Variants in L3MBTL1 observed in about 807,000 individuals in gnomAD.
L3MBTL1 encodes lethal(3)malignant brain tumor-like protein 1.
In L3MBTL1, 75 loss-of-function variants were observed where a neutral mutation model predicts 105.3. The ratio of observed to expected loss-of-function variants is 0.71; its 90% confidence interval spans 0.59 to 0.86. The LOEUF is 0.86. L3MBTL1 is among the 40% of genes least tolerant of loss of function. L3MBTL1 has a pLI of 0.00. For missense variants in L3MBTL1, 1,069 were observed against 1,126.4 expected (o/e 0.95, Z 0.73); for synonymous variants, 452 against 436.2 (o/e 1.04, Z -0.45).
At chr20:43,517,172 C>T (rs1315561494) in intron 7 of L3MBTL1, among the ~76,000 whole-genome samples, 2 of 151,726 alleles carry the variant, frequency 1.3e-5, no homozygotes, top group Non-Finnish European at 2.9e-5. Context: ...CATCTTGGCT[C>T]ATTGCAACCT....
chr20:43,528,896 G>A, intron 8 of L3MBTL1, 151 bp downstream of exon 8: 2 of 662,904 alleles, frequency 3.0e-6, no homozygotes, highest in South Asian at 1.8e-5. Context: ...GCCCAGAGTG[G>A]AAAAGGGCCC....
chr20:43,525,486 G>A (rs1317794872), intron 7 of L3MBTL1, among the ~76,000 whole-genome samples: 1 of 152,180 alleles, frequency 6.6e-6, no homozygotes, highest in Non-Finnish European at 1.5e-5. Flanking sequence ...TTGGCAGAAA[G>A]CCCAGGATGG....
chr20:43,538,169 A>G, intron 19 of L3MBTL1, among the ~76,000 whole-genome samples: 1 of 152,216 alleles, frequency 6.6e-6, no homozygotes, highest in East Asian at 1.9e-4. Context: ...CTAGACCCTC[A>G]GAGTAAGGAC....
At chr20:43,533,568 G>GGCTTGAGAAAATCAAA (rs2019452038) in intron 13 of L3MBTL1, 150 bp downstream of exon 13, 1 of 642,796 alleles carries the variant, frequency 1.6e-6, no homozygotes, top group Non-Finnish European at 2.6e-6. Flanking sequence ...TCTTGGCCTG[G>GGCTTGAGAAAATCAAA]GAGTTGAGAA....
Position 43,513,471 on chromosome 20 carries a change from T to G in L3MBTL1, c.-28-5T>G. The G allele has an allele frequency of 6.5e-7, 1 of 1,547,774 alleles. No individual in the cohort carries two copies. The highest frequency in any genetic ancestry group is 8.7e-7 in the Non-Finnish European group (1 of 1,145,234). On this transcript the variant is annotated splice_polypyrimidine_tract_variant and splice_region_variant and intron_variant, in intron 1 of 21. Coordinates refer to ENST00000418998, the MANE Select transcript of L3MBTL1 (RefSeq NM_001377303.1). ...ATCACCCTGGGGGCTATGTTTGGCT[T>G]GTAGGCCTGCCAGGATGGAGGGGCA... is the stretch of plus-strand genomic sequence containing the variant.
chr20:43,522,279 C>G (rs925699538), intron 7 of L3MBTL1, among the ~76,000 whole-genome samples: 2 of 151,822 alleles, frequency 1.3e-5, no homozygotes, highest in African/African-American at 4.8e-5. Context: ...CACTTAAACC[C>G]GTGAACCGGA....
At chr20:43,537,251 C>T (rs2019678361) in intron 19 of L3MBTL1, among the ~76,000 whole-genome samples, 1 of 152,234 alleles carries the variant, frequency 6.6e-6, no homozygotes, top group African/African-American at 2.4e-5. Flanking sequence ...GGGTGGCTTA[C>T]ACAATAGAAA....
rs2019852147 is a variant in L3MBTL1 at position 43,540,323 on chromosome 20, C to T, written c.2331+15C>T. 4 of 1,611,274 alleles carry T rather than the reference C, an allele frequency of 2.5e-6. No individual in the cohort carries two copies. In the South Asian group the frequency reaches 4.4e-5, roughly 18 times the overall value. On this transcript the variant is annotated intron_variant, in intron 20 of 21. Transcript: ENST00000418998. ...CCATCGATGAGGTGAGGAGCGAGGG[C>T]CCTTCTTTATCCTTCTCTTCCTCTC...
intron 19 of L3MBTL1, among the ~76,000 whole-genome samples, chr20:43,537,568 A>T (rs1344609107): frequency 1.3e-5 from 2 of 152,218 alleles, no homozygotes; most frequent in Admixed American, 1.3e-4. Flanking sequence ...GGGCTTCAGC[A>T]TATGAATTTT....
downstream of L3MBTL1, chr20:43,541,949 G>C (rs776566016): frequency 1.0e-6 from 1 of 979,390 alleles, no homozygotes; most frequent in South Asian, 4.7e-5. Context: ...AGTGGCTCAC[G>C]CCTGTAATCT....
chr20:43,514,818 G>A (rs771873901), intron 4 of L3MBTL1, 42 bp downstream of exon 4: 5 of 1,507,420 alleles, frequency 3.3e-6, no homozygotes, highest in Non-Finnish European at 4.5e-6. Flanking sequence ...GGCCCTGTGC[G>A]GGTGGGGCGA....
intron 18 of L3MBTL1, among the ~76,000 whole-genome samples, chr20:43,547,102 C>CTTTTTTTTTT (rs11478523): frequency 1.6e-5 from 2 of 122,646 alleles, no homozygotes; most frequent in Non-Finnish European, 3.4e-5. Flanking sequence ...TTTTTAATGA[C>CTTTTTTTTTT]TTTTTTTTTT....
rs1354038166 is a variant in L3MBTL1 at position 43,530,786 on chromosome 20, C to T, written c.1193-12C>T. On this transcript the variant is annotated splice_polypyrimidine_tract_variant and intron_variant, in intron 10 of 21. Coordinates refer to ENST00000418998, the MANE Select transcript of L3MBTL1 (RefSeq NM_001377303.1). ...TGCACGGCGCTCTGTTCATGCCCCT[C>T]GAGGGGCCTAGGTTACAAGGAGGAG... 3.1e-6 allele frequency: 5 copies of T among 1,613,194 alleles called. No homozygotes were observed. The highest frequency in any genetic ancestry group is 2.2e-5 in the East Asian group (1 of 44,868).
At chr20:43,507,945 C>T (rs980032609) in intron 1 of L3MBTL1, among the ~76,000 whole-genome samples, 4 of 152,114 alleles carry the variant, frequency 2.6e-5, no homozygotes, top group African/African-American at 7.2e-5. Context: ...CGCAGGGGGC[C>T]AGGCGGGTGC....
At chr20:43,529,168 C>T (rs1011510615) in intron 8 of L3MBTL1, 96 bp from the exon 9 acceptor site, 47 of 812,992 alleles carry the variant, frequency 5.8e-5, no homozygotes, top group Middle Eastern at 5.8e-4. Flanking sequence ...AAATACCAGG[C>T]GGGTGGGGCC....
chr20:43,519,336 CA>C (rs35982746), intron 7 of L3MBTL1, among the ~76,000 whole-genome samples: 17,720 of 89,930 alleles, frequency 0.2, 2,226 homozygotes, highest in African/African-American at 0.46. Context: ...AACCCTGACT[CA>C]AAAAAAAAAA....
Position 43,514,640 on chromosome 20 carries a change from G to C in L3MBTL1, c.366G>C (p.Arg122=). ...APPPGGGLRF[R]ISEYKPLNMA... ...CAGACCCTCCCGCGCTCCAGTTCCG[G>C]ATAAGCGAGTATAAGCCGCTGAACA... is the stretch of plus-strand genomic sequence containing the variant. The change falls in exon 4 of 22, where the codon CGG becomes CGC. Residue 122 remains arginine, a synonymous_variant. Coordinates refer to ENST00000418998, the MANE Select transcript of L3MBTL1 (RefSeq NM_001377303.1). The C allele has an allele frequency of 1.9e-6, 3 of 1,598,920 alleles. No homozygotes were observed. Among genetic ancestry groups the C allele is most frequent in the Non-Finnish European group, 2.6e-6 (3 of 1,172,812 alleles).
Position 43,514,730 on chromosome 20 carries a change from T to C in L3MBTL1, c.456T>C (p.Asp152=). 6.3e-7 allele frequency: 1 copy of C among 1,574,820 alleles called. No homozygotes were observed. The highest frequency in any genetic ancestry group is 1.2e-5 in the South Asian group (1 of 86,406). The change falls in exon 4 of 22, where the codon GAT becomes GAC. Residue 152 remains aspartate (D), a synonymous_variant. Coordinates refer to ENST00000418998, the MANE Select transcript of L3MBTL1 (RefSeq NM_001377303.1). ...AGGAAGGCGTGACCGAATACGAAGA[T>C]GGCGGGGCCCCGGCGGGAGATGGCG... ...LRQEGVTEYE[D]GGAPAGDGEA...
downstream of L3MBTL1, chr20:43,541,933 G>A (rs562175025): frequency 1.4e-4 from 139 of 984,194 alleles, no homozygotes; most frequent in African/African-American, 2.2e-3. Context: ...TTTGTCGGCC[G>A]GGCACAGTGG....
Sources: gnomAD v4.1 joint callset for allele counts (sites outside exome capture counted in the v4.1 genomes callset) on GRCh38, gnomAD v4.1.1 for gene constraint, MANE v1.5 for transcripts, NCBI Gene and HGNC (gene_info 2026-07-23, HGNC 2026-07-21) for gene names.